Variants in NPFFR2 observed in about 807,000 individuals in gnomAD.
NPFFR2 encodes the protein neuropeptide FF receptor 2, also known as G-protein coupled receptor 74.
In NPFFR2, 15 loss-of-function variants were observed where a neutral mutation model predicts 13.1. That is an observed-to-expected ratio of 1.15 (90% CI 0.77 to 1.76). NPFFR2 has a LOEUF of 1.76. NPFFR2 is among the 40% of genes most tolerant of loss of function. NPFFR2 has a pLI of 0.00. For missense variants in NPFFR2, 572 were observed against 503.5 expected, an observed-to-expected ratio of 1.14 and a Z score of -1.30; for synonymous variants, 190 against 175.7, an observed-to-expected ratio of 1.08 and a Z score of -0.65.
At chr4:72,090,429 A>G (rs1383895563) in intron 1 of NPFFR2, among the ~76,000 whole-genome samples, 2 of 152,058 alleles carry the variant, frequency 1.3e-5, no homozygotes, top group African/African-American at 2.4e-5. Context: ...TGTCATTTTT[A>G]CAGTACTGAT....
intron 1 of NPFFR2, among the ~76,000 whole-genome samples, chr4:72,085,241 C>A (rs1274145252): frequency 6.6e-6 from 1 of 152,092 alleles, no homozygotes; most frequent in Non-Finnish European, 1.5e-5. Flanking sequence ...TGGCTCTCAG[C>A]TGAACATGGA....
At chr4:72,094,481 G>A (rs1445890290) in intron 1 of NPFFR2, among the ~76,000 whole-genome samples, 2 of 152,162 alleles carry the variant, frequency 1.3e-5, no homozygotes, top group East Asian at 1.9e-4. Context: ...GTGGAGGGCA[G>A]GGTTAGGAGC....
intron 1 of NPFFR2, among the ~76,000 whole-genome samples, chr4:72,063,978 A>G (rs1464608925): frequency 1.3e-5 from 2 of 152,198 alleles, no homozygotes; most frequent in Admixed American, 1.3e-4. Flanking sequence ...ATAGTTTACC[A>G]TTTAGGAAAA....
chr4:72,077,111 T>G (rs1201846847), intron 1 of NPFFR2, among the ~76,000 whole-genome samples: 1 of 152,146 alleles, frequency 6.6e-6, no homozygotes, highest in Non-Finnish European at 1.5e-5. Context: ...TAAAAAATCT[T>G]TTGTTTATGT....
At chr4:72,048,675 A>G (rs1719451135) in intron 1 of NPFFR2, among the ~76,000 whole-genome samples, 1 of 152,100 alleles carries the variant, frequency 6.6e-6, no homozygotes, top group Admixed American at 6.6e-5. Context: ...GTGCCAAGTG[A>G]TATGAGTACT....
chr4:72,131,538 T>A (rs1378371366), intron 2 of NPFFR2, among the ~76,000 whole-genome samples: 3 of 151,850 alleles, frequency 2.0e-5, no homozygotes, highest in Non-Finnish European at 4.4e-5. Context: ...ATGGCACATG[T>A]ATACATATGT....
chr4:72,096,743 T>G (rs1429688520), intron 1 of NPFFR2, among the ~76,000 whole-genome samples: 1 of 152,114 alleles, frequency 6.6e-6, no homozygotes, highest in African/African-American at 2.4e-5. Flanking sequence ...TGTATATTCA[T>G]GTATTCAACA....
At chr4:72,100,322 T>C (rs1721204074) in intron 1 of NPFFR2, among the ~76,000 whole-genome samples, 1 of 152,158 alleles carries the variant, frequency 6.6e-6, no homozygotes, top group Non-Finnish European at 1.5e-5. Context: ...ATTCAAATTT[T>C]GGCTCTGTTG....
intron 1 of NPFFR2, among the ~76,000 whole-genome samples, chr4:72,063,776 T>G (rs1179856047): frequency 6.6e-6 from 1 of 152,214 alleles, no homozygotes; most frequent in Admixed American, 6.5e-5. Flanking sequence ...CAAGAAAAGT[T>G]AATCTTTTAC....
chr4:72,068,838 G>GT (rs35549647), intron 1 of NPFFR2: 19,192 of 313,642 alleles, frequency 0.061, 1 homozygote, highest in Middle Eastern at 0.1. Context: ...GAGGTTCTTA[G>GT]TTTTTTTTTT....
intron 3 of NPFFR2, among the ~76,000 whole-genome samples, chr4:72,140,612 C>A (rs559730727): frequency 6.6e-6 from 1 of 152,168 alleles, no homozygotes; most frequent in Non-Finnish European, 1.5e-5. Flanking sequence ...ATGAAGCAGA[C>A]TTGATCATGG....
At chr4:72,113,916 C>T (rs2109821712) in intron 1 of NPFFR2, among the ~76,000 whole-genome samples, 1 of 152,150 alleles carries the variant, frequency 6.6e-6, no homozygotes, top group South Asian at 2.1e-4. Flanking sequence ...GGGACATTTT[C>T]CAGGGAGCCA....
chr4:72,045,182 A>T (rs1719339918), intron 1 of NPFFR2, among the ~76,000 whole-genome samples: 1 of 152,148 alleles, frequency 6.6e-6, no homozygotes, highest in African/African-American at 2.4e-5. Flanking sequence ...CCTTTGTCAA[A>T]AATCAGTTCA....
chr4:72,055,682 A>G (rs11938756), intron 1 of NPFFR2, among the ~76,000 whole-genome samples: 135,202 of 151,708 alleles, frequency 0.89, 61,349 homozygotes, highest in Non-Finnish European at 0.98. Flanking sequence ...CTTGAGCCAA[A>G]CAGCTAGCCA....
intron 1 of NPFFR2, among the ~76,000 whole-genome samples, chr4:72,086,790 T>G (rs1280643427): frequency 6.6e-6 from 1 of 152,028 alleles, no homozygotes; most frequent in Non-Finnish European, 1.5e-5. Flanking sequence ...GCAGAATAAA[T>G]AGTAAAACAA....
intron 3 of NPFFR2, among the ~76,000 whole-genome samples, chr4:72,144,302 C>T (rs927768219): frequency 9.2e-5 from 14 of 152,078 alleles, no homozygotes; most frequent in African/African-American, 2.4e-4. Context: ...AGGGCTCTGA[C>T]GGTTTGTGTC....
chr4:72,123,847 C>T (rs1333734213), intron 1 of NPFFR2, among the ~76,000 whole-genome samples: 1 of 152,168 alleles, frequency 6.6e-6, no homozygotes, highest in Non-Finnish European at 1.5e-5. Flanking sequence ...CCTTTGAAAA[C>T]TGGCACAAGT....
At chr4:72,111,638 T>C (rs1014668756) in intron 1 of NPFFR2, among the ~76,000 whole-genome samples, 4 of 152,030 alleles carry the variant, frequency 2.6e-5, no homozygotes, top group African/African-American at 9.7e-5. Context: ...CAATTTATTC[T>C]AGGACAACAT....
At chr4:72,077,715 C>G (rs1386642476) in intron 1 of NPFFR2, among the ~76,000 whole-genome samples, 1 of 152,082 alleles carries the variant, frequency 6.6e-6, no homozygotes, top group Non-Finnish European at 1.5e-5. Context: ...TCTTTTAGCA[C>G]AGATTTGTCC....
Sources: allele counts gnomAD v4.1 joint callset (sites outside exome capture counted in the v4.1 genomes callset), GRCh38; gene constraint gnomAD v4.1.1; transcripts MANE v1.5; gene names NCBI Gene and HGNC (gene_info 2026-07-23, HGNC 2026-07-21).